Variants in PRIM2 observed in about 807,000 individuals in gnomAD.
PRIM2 encodes DNA primase subunit 2.
In PRIM2, 39 loss-of-function variants were observed where a neutral mutation model predicts 67.3. The observed-to-expected ratio is 0.58, with a 90% CI of 0.45 to 0.76. The LOEUF is 0.76. PRIM2 is among the 30% of genes least tolerant of loss of function. The pLI, the probability that PRIM2 is intolerant of heterozygous loss-of-function variation, is 0.00. For synonymous variants in PRIM2, 143 were observed against 198.7 expected (o/e 0.72, Z 2.36); for missense variants, 398 against 598.7 (o/e 0.66, Z 3.50).
At chr6:57,606,294 A>G in intron 11 of PRIM2, 81 bp from the exon 12 acceptor site, 1 of 1,076,342 alleles carries the variant, frequency 9.3e-7, no homozygotes, top group Admixed American at 2.0e-5. Flanking sequence ...AGGGGAGCTT[A>G]GATGGTCTCT....
At chr6:57,225,496 A>T in the PRIM2 span, among the ~76,000 whole-genome samples, 1 of 152,224 alleles carries the variant, frequency 6.6e-6, no homozygotes, top group Non-Finnish European at 1.5e-5. Flanking sequence ...AATTAACCTA[A>T]AAGGTTTTGA....
intron 10 of PRIM2, among the ~76,000 whole-genome samples, chr6:57,574,203 C>T (rs1402611893): frequency 1.3e-5 from 2 of 152,214 alleles, no homozygotes; most frequent in Non-Finnish European, 2.9e-5. Context: ...TGGCCATGGG[C>T]CAGTTCACTT....
intron 7 of PRIM2, among the ~76,000 whole-genome samples, chr6:57,461,614 A>C (rs1305139331): frequency 2.2e-4 from 34 of 152,132 alleles, no homozygotes; most frequent in African/African-American, 8.2e-4. Flanking sequence ...ACTTTGTTTA[A>C]TTTTCAATGT....
Position 57,318,493 on chromosome 6 carries a change from C to A in PRIM2, c.48C>A (p.Asp16Glu). 2 of 1,610,150 alleles carry A rather than the reference C, an allele frequency of 1.2e-6. No individual in the cohort carries two copies. The highest frequency in any genetic ancestry group is 1.1e-5 in the South Asian group (1 of 90,020). ...GGAGGAAGCTGAGGTTGGCAGGTGA[C>A]CAGAGGAATGCTTCCTACCCTCATT... Reference protein sequence around the residue: ...RKWRKLRLAGDQRNASYPHCL... With the variant: ...RKWRKLRLAGEQRNASYPHCL... The change falls in exon 2 of 14, where the codon GAC becomes GAA. Residue 16 changes from aspartate to glutamate, a missense_variant. Asp to Glu is a conservative substitution (Grantham distance 45). Transcript: ENST00000615550.
chr6:57,631,383 A>C (rs1341011530), intron 12 of PRIM2, among the ~76,000 whole-genome samples: 2 of 152,150 alleles, frequency 1.3e-5, no homozygotes, highest in African/African-American at 2.4e-5. Context: ...GGAGGCAATG[A>C]AACTTTACAA....
At chr6:57,429,037 T>G (rs1265846779) in intron 7 of PRIM2, among the ~76,000 whole-genome samples, 2 of 152,226 alleles carry the variant, frequency 1.3e-5, no homozygotes, top group African/African-American at 4.8e-5. Context: ...TCTGCAGCCT[T>G]GGCAACCATA....
the PRIM2 span, among the ~76,000 whole-genome samples, chr6:57,258,704 A>G: frequency 2.0e-5 from 3 of 151,998 alleles, no homozygotes; most frequent in East Asian, 5.8e-4. Context: ...GACTAAGGGC[A>G]TCTATCCCCT....
chr6:57,316,695 G>A (rs1377573357), upstream of PRIM2, among the ~76,000 whole-genome samples: 10 of 152,230 alleles, frequency 6.6e-5, no homozygotes, highest in South Asian at 6.2e-4. Context: ...TAGAGGCCAC[G>A]AGTGAAGTTA....
At chr6:57,484,958 C>T (rs1773719781) in intron 7 of PRIM2, among the ~76,000 whole-genome samples, 1 of 152,080 alleles carries the variant, frequency 6.6e-6, no homozygotes, top group Non-Finnish European at 1.5e-5. Context: ...TGTCTCTGTC[C>T]TTAGCATCTA....
chr6:57,375,105 T>G (rs1769715164), intron 5 of PRIM2, among the ~76,000 whole-genome samples: 1 of 152,258 alleles, frequency 6.6e-6, no homozygotes, highest in African/African-American at 2.4e-5. Context: ...AAGACTATGT[T>G]GAATAGGGGT....
chr6:57,533,450 C>G (rs1310929922), intron 9 of PRIM2, among the ~76,000 whole-genome samples: 1 of 152,114 alleles, frequency 6.6e-6, no homozygotes, highest in Non-Finnish European at 1.5e-5. Context: ...ATGAATAGGT[C>G]GTCTTCCATT....
At chr6:57,304,847 G>A in the PRIM2 span, among the ~76,000 whole-genome samples, 21 of 152,054 alleles carry the variant, frequency 1.4e-4, no homozygotes, top group Non-Finnish European at 2.5e-4. Context: ...AATTAACCTC[G>A]TAGGAAAAAA....
intron 7 of PRIM2, among the ~76,000 whole-genome samples, chr6:57,453,054 A>G (rs1368702915): frequency 1.3e-5 from 2 of 152,106 alleles, no homozygotes. Flanking sequence ...TCCTTTCCCC[A>G]TTTCTTGTTT....
intron 7 of PRIM2, among the ~76,000 whole-genome samples, chr6:57,421,450 T>A (rs1322882569): frequency 6.6e-6 from 1 of 152,224 alleles, no homozygotes; most frequent in East Asian, 1.9e-4. Context: ...CTCTCTAGTA[T>A]GCAAAACTTG....
chr6:57,519,478 C>A (rs1400456876), intron 8 of PRIM2, among the ~76,000 whole-genome samples: 1 of 152,198 alleles, frequency 6.6e-6, no homozygotes, highest in Admixed American at 6.5e-5. Context: ...AAAAGGAATT[C>A]AGCGACATTT....
intron 7 of PRIM2, among the ~76,000 whole-genome samples, chr6:57,479,999 G>C (rs1253254025): frequency 1.3e-5 from 2 of 152,208 alleles, no homozygotes; most frequent in African/African-American, 4.8e-5. Flanking sequence ...ATTTGAAAGG[G>C]ACCTGAGAAA....
At chr6:57,416,972 C>CTTT (rs377078433) in intron 7 of PRIM2, among the ~76,000 whole-genome samples, 6 of 144,374 alleles carry the variant, frequency 4.2e-5, no homozygotes, top group Admixed American at 2.1e-4. Flanking sequence ...TTCTTTTTTT[C>CTTT]TTTTTTTTTT....
intron 5 of PRIM2, among the ~76,000 whole-genome samples, chr6:57,370,713 G>C (rs1287862044): frequency 3.6e-5 from 1 of 27,644 alleles, no homozygotes; most frequent in African/African-American, 1.3e-4. Flanking sequence ...TTTTTTTTTT[G>C]AGATGGAGTC....
At chr6:57,635,130 A>G (rs1422312074) in intron 13 of PRIM2, among the ~76,000 whole-genome samples, 1 of 152,146 alleles carries the variant, frequency 6.6e-6, no homozygotes, top group Non-Finnish European at 1.5e-5. Flanking sequence ...AATTGATACC[A>G]TTTGCAGCAG....
Sources: gnomAD v4.1 joint callset for allele counts (sites outside exome capture counted in the v4.1 genomes callset) on GRCh38, gnomAD v4.1.1 for gene constraint, MANE v1.5 for transcripts, NCBI Gene and HGNC (gene_info 2026-07-23, HGNC 2026-07-21) for gene names.